The following MORC3 variants were observed in gnomAD, a reference collection of about 807,000 sequenced individuals.
MORC3 encodes the protein MORC family CW-type zinc finger protein 3.
Under a neutral mutation model 109.1 loss-of-function variants are expected in MORC3, and 31 were observed. That is an observed-to-expected ratio of 0.28 (90% CI 0.21 to 0.38). The LOEUF (loss-of-function observed/expected upper bound fraction) is 0.38, where lower values mean the gene tolerates loss of function less well. Ranked by LOEUF, MORC3 falls within the 10% of genes least tolerant of loss-of-function variation. The probability of loss-of-function intolerance (pLI) is 1.00; values close to 1 mark genes in which losing one functional copy is unlikely to be tolerated. For synonymous variants in MORC3, 395 were observed against 380.7 expected, an observed-to-expected ratio of 1.04 and a Z score of -0.44; for missense variants, 867 against 1,135.8, an observed-to-expected ratio of 0.76 and a Z score of 3.40.
chr21:36,333,433 CAA>C lies in MORC3; in HGVS notation c.40-212_40-211del. The C allele has an allele frequency of 7.1e-6, 4 of 564,944 alleles. No individual in the cohort carries two copies. In the South Asian group the frequency reaches 9.2e-5, roughly 13 times the overall value. The allele number at this position is 564,944 out of a possible 1,614,324, so 35.0% of individuals were successfully genotyped here. On this transcript the variant is annotated intron_variant, in intron 1 of 16. Transcript: ENST00000400485. ...CATAAAGAGGGCAAGGGTTTTGAAC[CAA>C]GTCTTGGTGAGTAAGCTGTTTAGTT...
chr21:36,348,058 GT>G (rs1471386529), intron 8 of MORC3: 1 of 152,160 alleles, frequency 6.6e-6, no homozygotes, highest in Non-Finnish European at 1.5e-5. Flanking sequence ...CATTTTATGA[GT>G]TACACATTTT....
At chr21:36,333,312 T>C in intron 1 of MORC3, 1 of 232,308 alleles carries the variant, frequency 4.3e-6, no homozygotes, top group Middle Eastern at 1.4e-3. Flanking sequence ...TAGGAAATGG[T>C]GTTTATAGGA....
chr21:36,324,885 T>G (rs1350728361), intron 1 of MORC3, among the ~76,000 whole-genome samples: 3 of 152,034 alleles, frequency 2.0e-5, no homozygotes, highest in Admixed American at 1.3e-4. Flanking sequence ...TTTTTTGTGT[T>G]TTTAATAGAG....
At chr21:36,371,114 T>G (rs2409790) in intron 15 of MORC3, among the ~76,000 whole-genome samples, 1 of 151,984 alleles carries the variant, frequency 6.6e-6, no homozygotes, top group Non-Finnish European at 1.5e-5. Flanking sequence ...TATCAGTAGC[T>G]TCTTCATATG....
intron 1 of MORC3, among the ~76,000 whole-genome samples, chr21:36,330,840 A>G (rs1335548940): frequency 6.6e-6 from 1 of 152,190 alleles, no homozygotes; most frequent in African/African-American, 2.4e-5. Flanking sequence ...CTTGTGCAAG[A>G]TGAAGAGCTA....
rs1051468036 is a variant in MORC3 at position 36,342,984 on chromosome 21, A to G, written c.756+1438A>G. 4.6e-5 allele frequency among the ~76,000 whole-genome samples: 7 copies of G among 151,728 alleles called. No homozygotes were observed. In the South Asian group the frequency reaches 6.3e-4, roughly 14 times the overall value. On this transcript the variant is annotated intron_variant, in intron 6 of 16. Transcript: ENST00000400485. ...TGGTGAGCCAAGACCGCACCATTAC[A>G]CTCCAGCCTGGGCAACAAGAGTGAA... is the stretch of plus-strand genomic sequence containing the variant.
intron 8 of MORC3, among the ~76,000 whole-genome samples, chr21:36,346,652 A>G (rs1186514937): frequency 1.3e-5 from 2 of 151,866 alleles, no homozygotes; most frequent in Non-Finnish European, 2.9e-5. Context: ...GTACAAAAAA[A>G]TACAAAAATT....
intron 14 of MORC3, among the ~76,000 whole-genome samples, chr21:36,364,995 T>C (rs982149319): frequency 1.4e-5 from 2 of 138,180 alleles, no homozygotes; most frequent in Non-Finnish European, 3.0e-5. Context: ...GAGGTTGCAG[T>C]GAGCCGAGAT....
At chr21:36,360,537 C>G (rs1183383902) in intron 12 of MORC3, 3 of 452,800 alleles carry the variant, frequency 6.6e-6, no homozygotes, top group Non-Finnish European at 1.2e-5. Context: ...AATACCCCCC[C>G]CATTGAAGCT....
At chr21:36,351,138 G>A (rs71330670) in intron 9 of MORC3, among the ~76,000 whole-genome samples, 3 of 127,266 alleles carry the variant, frequency 2.4e-5, no homozygotes, top group Non-Finnish European at 4.7e-5. Context: ...CCAGGTCTTA[G>A]CTTATTGCAA....
At chr21:36,338,090 C>A in intron 4 of MORC3, 144 bp downstream of exon 4, 1 of 783,306 alleles carries the variant, frequency 1.3e-6, no homozygotes, top group Non-Finnish European at 2.0e-6. Flanking sequence ...ATTTACCCTA[C>A]ACCTGAGGCT....
At chr21:36,368,422 A>G (rs2085805385) in intron 14 of MORC3, among the ~76,000 whole-genome samples, 1 of 152,214 alleles carries the variant, frequency 6.6e-6, no homozygotes, top group Non-Finnish European at 1.5e-5. Context: ...GATCAAATGC[A>G]GAGATGTTTG....
rs2085694121 is a variant in MORC3 at position 36,359,937 on chromosome 21, G to A, written c.1209-18G>A. On this transcript the variant is annotated intron_variant, in intron 10 of 16. Transcript: ENST00000400485. ...GTCCATATTTCTGTGTTAATATTTT[G>A]TTCTTGTTTTGGGACAGGAAGCGTC... is the stretch of plus-strand genomic sequence containing the variant. The A allele has an allele frequency of 1.2e-6, 2 of 1,613,636 alleles. No homozygotes were observed. The highest frequency in any genetic ancestry group is 1.1e-5 in the South Asian group (1 of 91,072).
chr21:36,374,344 G>A (rs2146347613), intron 16 of MORC3, among the ~76,000 whole-genome samples: 1 of 152,168 alleles, frequency 6.6e-6, no homozygotes, highest in Non-Finnish European at 1.5e-5. Context: ...GCCCGCCTCA[G>A]CCTCCCAAAG....
At chr21:36,329,304 A>C (rs938148762) in intron 1 of MORC3, among the ~76,000 whole-genome samples, 59 of 149,710 alleles carry the variant, frequency 3.9e-4, no homozygotes, top group African/African-American at 5.6e-4. Context: ...CAAAAACAAA[A>C]AAAAAAAAAG....
intron 6 of MORC3, among the ~76,000 whole-genome samples, chr21:36,344,020 T>A (rs1276670403): frequency 6.6e-6 from 1 of 152,176 alleles, no homozygotes; most frequent in South Asian, 2.1e-4. Flanking sequence ...TGGTATGGTT[T>A]TAGTACACTA....
chr21:36,370,207 C>G (rs1569110488), intron 15 of MORC3, among the ~76,000 whole-genome samples: 1 of 151,734 alleles, frequency 6.6e-6, no homozygotes, highest in Non-Finnish European at 1.5e-5. Flanking sequence ...GACTCTGTCT[C>G]AAAAAAAAGC....
intron 6 of MORC3, among the ~76,000 whole-genome samples, chr21:36,342,260 T>G (rs990815167): frequency 6.6e-6 from 1 of 152,096 alleles, no homozygotes; most frequent in African/African-American, 2.4e-5. Context: ...ACAAAAAATT[T>G]AACGTATTCT....
chr21:36,374,406 T>C (rs1283959888), intron 16 of MORC3, among the ~76,000 whole-genome samples: 1 of 152,162 alleles, frequency 6.6e-6, no homozygotes, highest in African/African-American at 2.4e-5. Flanking sequence ...AAAAAGCTGC[T>C]TTAACATTGT....
Sources: gnomAD v4.1 joint callset for allele counts (sites outside exome capture counted in the v4.1 genomes callset) on GRCh38, gnomAD v4.1.1 for gene constraint, MANE v1.5 for transcripts, NCBI Gene and HGNC (gene_info 2026-07-23, HGNC 2026-07-21) for gene names.